The following ACTL8 variants were observed in gnomAD, a reference collection of about 807,000 sequenced individuals.
ACTL8 encodes the protein actin-like protein 8.
In ACTL8, 3 loss-of-function variants were observed where a neutral mutation model predicts 9.3. The ratio of observed to expected loss-of-function variants is 0.32; its 90% CI spans 0.15 to 0.83. The LOEUF is 0.83. ACTL8 is among the 40% of genes least tolerant of loss of function. The pLI is 0.57. For missense variants in ACTL8, 381 were observed against 492.2 expected (o/e 0.77, Z 2.14); for synonymous variants, 224 against 205.9 (o/e 1.09, Z -0.75).
At chr1:17,766,684 G>A (rs1162495436) in intron 1 of ACTL8, among the ~76,000 whole-genome samples, 2 of 152,088 alleles carry the variant, frequency 1.3e-5, no homozygotes, top group Non-Finnish European at 2.9e-5. Context: ...GCCCAGAGAG[G>A]GTATATTTAG....
chr1:17,821,208 C>G (rs1431820168), intron 1 of ACTL8, among the ~76,000 whole-genome samples: 1 of 151,892 alleles, frequency 6.6e-6, no homozygotes, highest in Non-Finnish European at 1.5e-5. Flanking sequence ...GTATTTTCTC[C>G]CAGTCTATGG....
At chr1:17,778,115 C>G (rs1251116960) in intron 1 of ACTL8, among the ~76,000 whole-genome samples, 2 of 152,222 alleles carry the variant, frequency 1.3e-5, no homozygotes, top group Non-Finnish European at 2.9e-5. Flanking sequence ...CTCTGCTCGT[C>G]TTAACCAGTT....
At chr1:17,776,802 C>T (rs1222791689) in intron 1 of ACTL8, among the ~76,000 whole-genome samples, 1 of 151,738 alleles carries the variant, frequency 6.6e-6, no homozygotes, top group Non-Finnish European at 1.5e-5. Context: ...TGTTTGTTTC[C>T]TCTTTCCTTT....
chr1:17,823,018 A>G lies in ACTL8; in HGVS notation c.10A>G (p.Arg4Gly), dbSNP rs1365074863. Reference protein sequence around the residue: MAARTVIIDHGSGF... With the variant: MAAGTVIIDHGSGF... ...CACCTCTGCCTCCGCCATGGCTGCA[A>G]GAACCGTTATCATTGACCACGGGTC... The change falls in exon 2 of 3, where the codon AGA becomes GGA. Residue 4 changes from arginine to glycine, a missense_variant. By Grantham distance (125) the Arg-to-Gly change is moderately radical. Coordinates refer to ENST00000375406, the MANE Select transcript of ACTL8 (RefSeq NM_030812.3). The surrounding 1 kb of genome is among the most constrained non-coding windows in gnomAD (Gnocchi z 5.3). 3 of 1,613,566 alleles carry G rather than the reference A, an allele frequency of 1.9e-6. No individual in the cohort carries two copies. The highest frequency in any genetic ancestry group is 2.5e-6 in the Non-Finnish European group (3 of 1,179,666).
rs117356921 is a variant in ACTL8, at chr1:17,822,348, A to C, written c.-24-637A>C. Among the ~76,000 whole-genome samples the C allele has an allele frequency of 9.3e-4, 141 of 152,330 alleles. No homozygotes were observed. The East Asian group carries it at 0.012, about 13-fold the overall frequency. ...ATGAGTCCATGTATCAAGTGAAACC[A>C]TGTGAAATTGCTGATCTCTGACCAT... On this transcript the variant is annotated intron_variant, in intron 1 of 2. Coordinates refer to ENST00000375406, the MANE Select transcript of ACTL8 (RefSeq NM_030812.3).
At chr1:17,785,524 G>C (rs1287672875) in intron 1 of ACTL8, among the ~76,000 whole-genome samples, 1 of 152,208 alleles carries the variant, frequency 6.6e-6, no homozygotes, top group African/African-American at 2.4e-5. Context: ...AAATTTCCTA[G>C]AGCAGTTGAC....
chr1:17,808,071 A>G (rs1364333747), intron 1 of ACTL8, among the ~76,000 whole-genome samples: 1 of 152,230 alleles, frequency 6.6e-6, no homozygotes, highest in Non-Finnish European at 1.5e-5. Context: ...GATGTTGCCT[A>G]CTTTAAGAGG....
intron 1 of ACTL8, among the ~76,000 whole-genome samples, chr1:17,812,232 A>G (rs914688122): frequency 3.3e-5 from 5 of 152,082 alleles, no homozygotes; most frequent in Admixed American, 6.5e-5. Flanking sequence ...GTTCTTTTAG[A>G]AATTGTTTTG....
chr1:17,771,378 G>A lies in ACTL8; in HGVS notation c.-25+15874G>A, dbSNP rs2066082196. 2.0e-5 allele frequency among the ~76,000 whole-genome samples: 3 copies of A among 152,152 alleles called. No homozygotes were observed. In the South Asian group the frequency reaches 6.2e-4, roughly 32 times the overall value. On this transcript the variant is annotated intron_variant, in intron 1 of 2. Transcript: ENST00000375406. ...AAAAACAGGCAGTGAGCCGGATTTGGCCCGTGGGCCATAGTTTGCTGACTC... is the reference window on the plus strand; with the variant it reads ...AAAAACAGGCAGTGAGCCGGATTTGACCCGTGGGCCATAGTTTGCTGACTC...
chr1:17,815,384 TCTTAA>T (rs1184705386), intron 1 of ACTL8, among the ~76,000 whole-genome samples: 2 of 152,216 alleles, frequency 1.3e-5, no homozygotes, highest in East Asian at 1.9e-4. Context: ...TCTAAGAATG[TCTTAA>T]CTTCATTCCT....
chr1:17,813,697 T>A (rs935264889), intron 1 of ACTL8, among the ~76,000 whole-genome samples: 1 of 152,254 alleles, frequency 6.6e-6, no homozygotes, highest in Non-Finnish European at 1.5e-5. Context: ...CCGTTAGTAT[T>A]ATTTCTTCCT....
chr1:17,820,646 C>T (rs1392471618), intron 1 of ACTL8, among the ~76,000 whole-genome samples: 2 of 151,658 alleles, frequency 1.3e-5, no homozygotes, highest in African/African-American at 4.9e-5. Flanking sequence ...TGGCTCACCG[C>T]AACCTCCACC....
intron 1 of ACTL8, among the ~76,000 whole-genome samples, chr1:17,757,260 GGAAGTTC>G (rs2065974848): frequency 1.4e-5 from 1 of 70,092 alleles, no homozygotes. Flanking sequence ...CAGCCCTTAA[GGAAGTTC>G]TTATTTCTTG....
At chr1:17,805,209 G>T (rs113657161) in intron 1 of ACTL8, among the ~76,000 whole-genome samples, 1 of 151,992 alleles carries the variant, frequency 6.6e-6, no homozygotes, top group African/African-American at 2.4e-5. Flanking sequence ...CCAGATGTCT[G>T]TGTGCTTCCT....
chr1:17,811,001 T>C (rs1009117599), intron 1 of ACTL8, among the ~76,000 whole-genome samples: 2 of 152,196 alleles, frequency 1.3e-5, no homozygotes, highest in Non-Finnish European at 2.9e-5. Flanking sequence ...CTGGAGTACA[T>C]AGGAATAGGA....
At chr1:17,772,702 A>G (rs1367943886) in intron 1 of ACTL8, among the ~76,000 whole-genome samples, 1 of 152,154 alleles carries the variant, frequency 6.6e-6, no homozygotes, top group African/African-American at 2.4e-5. Flanking sequence ...GGAATTGGCC[A>G]TGCATCCCTA....
At chr1:17,808,723 C>A (rs904024938) in intron 1 of ACTL8, among the ~76,000 whole-genome samples, 2 of 152,166 alleles carry the variant, frequency 1.3e-5, no homozygotes, top group Non-Finnish European at 2.9e-5. Flanking sequence ...TTCCTGTTTG[C>A]AAGTTGTCTG....
chr1:17,815,431 G>A (rs988362966), intron 1 of ACTL8, among the ~76,000 whole-genome samples: 1 of 151,928 alleles, frequency 6.6e-6, no homozygotes, highest in Non-Finnish European at 1.5e-5. Flanking sequence ...AGAATTCTGA[G>A]TTGATATCTC....
intron 2 of ACTL8, among the ~76,000 whole-genome samples, chr1:17,824,444 G>T (rs1007790286): frequency 2.0e-5 from 3 of 152,178 alleles, no homozygotes; most frequent in Admixed American, 2.0e-4. Flanking sequence ...TTAGGGTTTG[G>T]CAGAGTGTGC....
Sources: allele counts gnomAD v4.1 joint callset (sites outside exome capture counted in the v4.1 genomes callset), GRCh38; gene constraint gnomAD v4.1.1; non-coding constraint Gnocchi (gnomAD v3.1); transcripts MANE v1.5; gene names NCBI Gene and HGNC (gene_info 2026-07-23, HGNC 2026-07-21).